The following FERRY3 variants were observed in gnomAD, a reference collection of about 807,000 sequenced individuals.
FERRY3 encodes the protein protein C12orf4.
the FERRY3 span, among the ~76,000 whole-genome samples, chr12:4,515,449 G>A: frequency 5.0e-3 from 754 of 152,184 alleles, 12 homozygotes; most frequent in African/African-American, 0.017. Context: ...GACACACAAA[G>A]GAATATTATT....
At chr12:4,516,137 T>A in the FERRY3 span, among the ~76,000 whole-genome samples, 1 of 152,190 alleles carries the variant, frequency 6.6e-6, no homozygotes, top group Non-Finnish European at 1.5e-5. Flanking sequence ...AGGTGTGTAT[T>A]TTGTGCTACC....
chr12:4,532,984 CAAT>C, the FERRY3 span, among the ~76,000 whole-genome samples: 1 of 152,204 alleles, frequency 6.6e-6, no homozygotes, highest in Middle Eastern at 3.2e-3. Context: ...ATCTTGGCCT[CAAT>C]GATGCCTGGC....
At chr12:4,489,960 T>A in the FERRY3 span, 2 of 1,152,332 alleles carry the variant, frequency 1.7e-6, no homozygotes, top group Middle Eastern at 5.0e-4. Flanking sequence ...AAAAATAATT[T>A]TAGAAGTATT....
At chr12:4,535,993 CT>C in the FERRY3 span, 2 of 1,490,244 alleles carry the variant, frequency 1.3e-6, no homozygotes, top group South Asian at 2.7e-5. The surrounding 1 kb of genome is among the most constrained non-coding windows in gnomAD (Gnocchi z 4.0). Flanking sequence ...AGTGGTGTTA[CT>C]TAAAAAAAAA....
At chr12:4,517,908 A>G in the FERRY3 span, 6 of 613,720 alleles carry the variant, frequency 9.8e-6, no homozygotes, top group Non-Finnish European at 5.6e-6. Context: ...AGTTTGAAAT[A>G]AAATAACTAT....
chr12:4,521,587 T>C, the FERRY3 span, among the ~76,000 whole-genome samples: 3 of 152,000 alleles, frequency 2.0e-5, no homozygotes, highest in Admixed American at 1.3e-4. Flanking sequence ...GCGAAAACAA[T>C]TGGAAATTCT....
chr12:4,534,604 T>C, the FERRY3 span, among the ~76,000 whole-genome samples: 1 of 152,128 alleles, frequency 6.6e-6, no homozygotes, highest in African/African-American at 2.4e-5. Flanking sequence ...GGTCTCACCA[T>C]GTTGCCCAGG....
chr12:4,500,869 C>T, the FERRY3 span, among the ~76,000 whole-genome samples: 2 of 152,076 alleles, frequency 1.3e-5, no homozygotes, highest in South Asian at 2.1e-4. Context: ...GCTAGGATGG[C>T]CTCCATCTCC....
At chr12:4,507,928 G>A in the FERRY3 span, among the ~76,000 whole-genome samples, 3 of 152,204 alleles carry the variant, frequency 2.0e-5, no homozygotes, top group Non-Finnish European at 4.4e-5. Flanking sequence ...TCTGAAGAGG[G>A]AAACTGGATG....
At chr12:4,517,684 AATAT>A in the FERRY3 span, among the ~76,000 whole-genome samples, 85 of 140,542 alleles carry the variant, frequency 6.0e-4, no homozygotes, top group African/African-American at 2.1e-3. Context: ...AGGTTATTAA[AATAT>A]ATATATATAT....
chr12:4,535,957 C>T, the FERRY3 span: 1 of 1,351,570 alleles, frequency 7.4e-7, no homozygotes, highest in Non-Finnish European at 9.8e-7. This position sits in a 1 kb window ranked among gnomAD's most constrained non-coding sequence, Gnocchi z 4.0. Context: ...ATGAAACTTC[C>T]AATGACAGAC....
At chr12:4,511,594 G>A in the FERRY3 span, among the ~76,000 whole-genome samples, 438 of 140,800 alleles carry the variant, frequency 3.1e-3, 10 homozygotes, top group East Asian at 0.072. Flanking sequence ...CTCACTCAAA[G>A]CCGCTCAACT....
the FERRY3 span, chr12:4,502,461 C>G: frequency 4.1e-3 from 1,853 of 447,042 alleles, 29 homozygotes; most frequent in African/African-American, 0.034. This position sits in a 1 kb window ranked among gnomAD's most constrained non-coding sequence, Gnocchi z 4.2. Context: ...AAAATCTCAT[C>G]AGCTTGTATT....
At chr12:4,525,658 ATC>A in the FERRY3 span, 3 of 1,060,012 alleles carry the variant, frequency 2.8e-6, no homozygotes, top group Non-Finnish European at 4.2e-6. Context: ...TCATCAAACA[ATC>A]TCTATAAAGT....
the FERRY3 span, chr12:4,502,278 TA>T: frequency 2.2e-5 from 8 of 365,524 alleles, no homozygotes; most frequent in African/African-American, 1.7e-4. This position sits in a 1 kb window ranked among gnomAD's most constrained non-coding sequence, Gnocchi z 4.2. Context: ...TTTATTTTGT[TA>T]AATGTTCTAT....
the FERRY3 span, among the ~76,000 whole-genome samples, chr12:4,507,861 G>T: frequency 6.6e-6 from 1 of 152,164 alleles, no homozygotes; most frequent in South Asian, 2.1e-4. Flanking sequence ...ACATACACTT[G>T]CTTACACATA....
At chr12:4,536,980 C>T in the FERRY3 span, among the ~76,000 whole-genome samples, 562 of 152,214 alleles carry the variant, frequency 3.7e-3, 5 homozygotes, top group African/African-American at 0.012. Context: ...GTTGTTCATC[C>T]GCTTAAAAAC....
chr12:4,535,014 G>A, the FERRY3 span, among the ~76,000 whole-genome samples: 7 of 152,234 alleles, frequency 4.6e-5, no homozygotes, highest in African/African-American at 1.7e-4. This position sits in a 1 kb window ranked among gnomAD's most constrained non-coding sequence, Gnocchi z 4.0. Flanking sequence ...ACTTTAAAGG[G>A]TACATTGTTA....
the FERRY3 span, among the ~76,000 whole-genome samples, chr12:4,514,864 T>C: frequency 6.6e-6 from 1 of 152,056 alleles, no homozygotes; most frequent in Non-Finnish European, 1.5e-5. Context: ...AATGTGCACA[T>C]GTACCCTAAA....
Sources: allele counts gnomAD v4.1 joint callset (sites outside exome capture counted in the v4.1 genomes callset), GRCh38; gene constraint gnomAD v4.1.1; non-coding constraint Gnocchi (gnomAD v3.1); transcripts MANE v1.5; gene names NCBI Gene and HGNC (gene_info 2026-07-23, HGNC 2026-07-21).